Variants in CNTNAP2 observed in about 807,000 individuals in gnomAD.
The protein encoded by CNTNAP2 is contactin associated protein 2.
CNTNAP2 carries 98 observed loss-of-function variants against 155.2 expected under a neutral mutation model. The observed-to-expected ratio is 0.63, with a 90% confidence interval of 0.54 to 0.75. The LOEUF is 0.75. CNTNAP2 is among the 30% of genes least tolerant of loss of function. The probability of loss-of-function intolerance (pLI) is 0.00; values close to 1 mark genes in which losing one functional copy is unlikely to be tolerated. For synonymous variants in CNTNAP2, 651 were observed against 631.2 expected, an observed-to-expected ratio of 1.03 and a Z score of -0.47; for missense variants, 1,727 against 1,688.1, an observed-to-expected ratio of 1.02 and a Z score of -0.40.
intron 1 of CNTNAP2, among the ~76,000 whole-genome samples, chr7:146,462,414 C>G (rs967371841): frequency 1.3e-5 from 2 of 152,182 alleles, no homozygotes; most frequent in African/African-American, 4.8e-5. Context: ...CCCTACACAG[C>G]CACATTCTCC....
chr7:148,205,465 A>G (rs569798613), intron 18 of CNTNAP2, among the ~76,000 whole-genome samples: 1 of 152,328 alleles, frequency 6.6e-6, no homozygotes, highest in African/African-American at 2.4e-5. Flanking sequence ...TAATTGACCA[A>G]CCTCTGCACA....
chr7:148,229,083 G>A lies in CNTNAP2; in HGVS notation c.3248-563G>A, dbSNP rs538780975. Among the ~76,000 whole-genome samples the A allele has an allele frequency of 8.5e-5, 13 of 152,262 alleles. No individual in the cohort carries two copies. In the South Asian group the frequency reaches 2.7e-3, roughly 32 times the overall value. On this transcript the variant is annotated intron_variant, in intron 19 of 23. Coordinates refer to ENST00000361727, the MANE Select transcript of CNTNAP2 (RefSeq NM_014141.6). ...CTATTTGCATCTTCAACTTTGAGAC[G>A]ACAGTCACTGAAGTTCACTGTGGGC...
intron 12 of CNTNAP2, among the ~76,000 whole-genome samples, chr7:147,576,701 A>G (rs1800402012): frequency 6.6e-6 from 1 of 152,156 alleles, no homozygotes. Flanking sequence ...GAACATCAGT[A>G]ATTTCTTCCA....
At position 146,543,794 on chromosome 7, in the gene CNTNAP2, C is replaced by T. The variant is rs1484163992; in HGVS notation, c.98-230477C>T. On this transcript the variant is annotated intron_variant, in intron 1 of 23. Transcript: ENST00000361727. The stretch of plus-strand genomic sequence containing the variant: ...AAAACCTCAATTTTTACTGCTTCTC[C>T]TTTAGTTCAGGCCTGATGAACTACT... Among the ~76,000 whole-genome samples the T allele has an allele frequency of 3.3e-5, 5 of 151,882 alleles. No homozygotes were observed. The Admixed American group carries it at 3.3e-4, about 10-fold the overall frequency.
chr7:147,006,888 T>C, intron 3 of CNTNAP2, among the ~76,000 whole-genome samples: 1 of 152,056 alleles, frequency 6.6e-6, no homozygotes, highest in East Asian at 1.9e-4. Flanking sequence ...ATGGCAATGT[T>C]TATTTAAAGG....
intron 1 of CNTNAP2, among the ~76,000 whole-genome samples, chr7:146,505,603 A>G (rs1797372172): frequency 6.6e-6 from 1 of 152,184 alleles, no homozygotes; most frequent in African/African-American, 2.4e-5. Flanking sequence ...TATATTAAGT[A>G]CCCAATGAGT....
intron 1 of CNTNAP2, among the ~76,000 whole-genome samples, chr7:146,321,966 C>A (rs1464224998): frequency 1.3e-5 from 2 of 151,064 alleles, no homozygotes; most frequent in African/African-American, 2.5e-5. Context: ...TTAGATATAT[C>A]ATTTAAATAT....
chr7:148,279,194 T>C (rs1796929886), intron 21 of CNTNAP2, among the ~76,000 whole-genome samples: 1 of 152,134 alleles, frequency 6.6e-6, no homozygotes, highest in Non-Finnish European at 1.5e-5. Context: ...ATTCCAGCTG[T>C]GGGATGCTGT....
At chr7:146,849,961 AGATACCCATTCTATGTGTTTCACTTAT>A (rs1794840276) in intron 3 of CNTNAP2, among the ~76,000 whole-genome samples, 1 of 152,204 alleles carries the variant, frequency 6.6e-6, no homozygotes, top group South Asian at 2.1e-4. Context: ...GACACCGTGA[AGATACCCATTCTATGTGTTTCACTTAT>A]GCATACTGTT....
At chr7:148,164,999 G>T (rs957652234) in intron 17 of CNTNAP2, among the ~76,000 whole-genome samples, 1 of 151,924 alleles carries the variant, frequency 6.6e-6, no homozygotes, top group African/African-American at 2.4e-5. Context: ...GGACCCCAAG[G>T]TCACTTTCTC....
intron 12 of CNTNAP2, among the ~76,000 whole-genome samples, chr7:147,578,245 G>A (rs1360511534): frequency 9.9e-5 from 15 of 152,134 alleles, no homozygotes; most frequent in Admixed American, 9.2e-4. Context: ...GAGATGATTA[G>A]AAAGAAGTTG....
rs143856702 is a variant in CNTNAP2, at chr7:148,415,547, C to T, written c.3927C>T (p.Ala1309=). The T allele has an allele frequency of 6.2e-4, 1,000 of 1,614,180 alleles. 1 individual carries two copies. The highest frequency in any genetic ancestry group is 7.9e-4 in the Non-Finnish European group (930 of 1,180,032). Residue 1309 remains alanine (A), a synonymous_variant, in exon 24 of 24, where the codon GCC becomes GCT. Coordinates refer to ENST00000361727, the MANE Select transcript of CNTNAP2 (RefSeq NM_014141.6). Reference sequence around the variant, plus strand: ...CGGAGTCGGCAGAGAGCGCGGACGCCGCCATCATGAACAACGACCCCAACT... The same window carrying T: ...CGGAGTCGGCAGAGAGCGCGGACGCTGCCATCATGAACAACGACCCCAACT... ...KGAESAESAD[A]AIMNNDPNFT... is the part of the protein sequence containing the mutation.
intron 8 of CNTNAP2, among the ~76,000 whole-genome samples, chr7:147,155,264 A>C (rs1801900561): frequency 6.6e-6 from 1 of 152,160 alleles, no homozygotes; most frequent in South Asian, 2.1e-4. Context: ...GGCATCAACG[A>C]GGAAGTGGTC....
chr7:147,254,463 AAAG>A lies in CNTNAP2; in HGVS notation c.1349-45674_1349-45672del, dbSNP rs527976231. 2.8e-4 allele frequency among the ~76,000 whole-genome samples: 43 copies of A among 152,324 alleles called. No homozygotes were observed. In the South Asian group the frequency reaches 5.0e-3, roughly 18 times the overall value. On this transcript the variant is annotated intron_variant, in intron 8 of 23. Coordinates refer to ENST00000361727, the MANE Select transcript of CNTNAP2 (RefSeq NM_014141.6). ...TTGAATCAGAGAGCCATTTTGAACT[AAAG>A]AAGTTTTTGATTCCCTTGTGTTAAC...
At chr7:147,323,505 C>G (rs957810340) in intron 9 of CNTNAP2, among the ~76,000 whole-genome samples, 8 of 139,484 alleles carry the variant, frequency 5.7e-5, no homozygotes, top group African/African-American at 2.3e-4. Context: ...ACTATGTGGT[C>G]AATTTTGGAA....
chr7:147,579,397 CTGAT>C (rs1409951623), intron 12 of CNTNAP2, among the ~76,000 whole-genome samples: 1 of 152,034 alleles, frequency 6.6e-6, no homozygotes, highest in East Asian at 1.9e-4. Context: ...CACATAAAAT[CTGAT>C]TGTGTGGAAC....
intron 17 of CNTNAP2, among the ~76,000 whole-genome samples, chr7:148,170,967 ACTGGAAAGTT>A (rs1805781850): frequency 6.6e-6 from 1 of 152,146 alleles, no homozygotes. Flanking sequence ...GAGACCCCTG[ACTGGAAAGTT>A]CTTCTCGGTA....
intron 13 of CNTNAP2, among the ~76,000 whole-genome samples, chr7:147,755,900 G>A (rs1281041603): frequency 1.3e-5 from 2 of 152,168 alleles, no homozygotes; most frequent in East Asian, 3.9e-4. Context: ...TATATACAAA[G>A]TTTGTAGGGA....
intron 12 of CNTNAP2, among the ~76,000 whole-genome samples, chr7:147,625,005 C>G (rs1794942551): frequency 6.6e-6 from 1 of 152,008 alleles, no homozygotes; most frequent in Non-Finnish European, 1.5e-5. Context: ...AAGCCAGGCA[C>G]AGAAAGACAA....
Sources: gnomAD v4.1 joint callset for allele counts (sites outside exome capture counted in the v4.1 genomes callset) on GRCh38, gnomAD v4.1.1 for gene constraint, MANE v1.5 for transcripts, NCBI Gene and HGNC (gene_info 2026-07-23, HGNC 2026-07-21) for gene names.